Variants in JARID2 observed in about 807,000 individuals in gnomAD.
JARID2 encodes the protein jumonji and AT-rich interaction domain containing 2, also known as protein Jumonji.
JARID2 carries 21 observed loss-of-function variants against 125.6 expected under a neutral mutation model. That is an observed-to-expected ratio of 0.17 (90% CI 0.12 to 0.24). The LOEUF is 0.24. Ranked by LOEUF, JARID2 falls within the 10% of genes least tolerant of loss-of-function variation. The probability of loss-of-function intolerance (pLI) is 1.00; values close to 1 mark genes in which losing one functional copy is unlikely to be tolerated. For synonymous variants in JARID2, 736 were observed against 661.6 expected (o/e 1.11, Z -1.73); for missense variants, 1,303 against 1,639.6 (o/e 0.79, Z 3.55).
At chr6:15,398,277 G>A (rs1379184815) in intron 2 of JARID2, among the ~76,000 whole-genome samples, 1 of 152,200 alleles carries the variant, frequency 6.6e-6, no homozygotes, top group African/African-American at 2.4e-5. Flanking sequence ...TAAGATTTAT[G>A]ACTTGCTCTG....
rs138125913 is a variant in JARID2, at chr6:15,282,472, T to G, written c.45+35888T>G. Among the ~76,000 whole-genome samples, 559 of 152,320 alleles carry G rather than the reference T, an allele frequency of 3.7e-3. 1 individual carries two copies. The highest frequency in any genetic ancestry group is 0.017 in the Middle Eastern group (5 of 294). On this transcript the variant is annotated intron_variant, in intron 1 of 17. Coordinates refer to ENST00000341776, the MANE Select transcript of JARID2 (RefSeq NM_004973.4). Reference sequence around the variant, plus strand: ...CTGTCAGCTGTCCATATTTTTTTTCTTCATAACTTTTATCCACTATTATAT... The same window carrying G: ...CTGTCAGCTGTCCATATTTTTTTTCGTCATAACTTTTATCCACTATTATAT...
intron 3 of JARID2, among the ~76,000 whole-genome samples, chr6:15,419,275 T>G (rs1476880295): frequency 6.6e-6 from 1 of 152,234 alleles, no homozygotes; most frequent in African/African-American, 2.4e-5. Flanking sequence ...TAGTTTAATT[T>G]TCAACTTTAG....
intron 16 of JARID2, among the ~76,000 whole-genome samples, chr6:15,516,603 G>C (rs1561921157): frequency 6.6e-6 from 1 of 152,260 alleles, no homozygotes; most frequent in South Asian, 2.1e-4. Flanking sequence ...GGGGGAGTTT[G>C]CATGGGGTCG....
chr6:15,379,572 C>T (rs1486984352), intron 2 of JARID2, among the ~76,000 whole-genome samples: 1 of 152,184 alleles, frequency 6.6e-6, no homozygotes, highest in African/African-American at 2.4e-5. Flanking sequence ...CATCTTAGAT[C>T]AAGTCCTTTG....
intron 3 of JARID2, among the ~76,000 whole-genome samples, chr6:15,435,068 T>C (rs556079661): frequency 6.6e-5 from 10 of 152,348 alleles, no homozygotes; most frequent in African/African-American, 2.2e-4. Flanking sequence ...GTTAGTTTCC[T>C]GTTTTTCAAA....
At chr6:15,307,027 G>T (rs1761852839) in intron 1 of JARID2, among the ~76,000 whole-genome samples, 1 of 151,050 alleles carries the variant, frequency 6.6e-6, no homozygotes, top group African/African-American at 2.4e-5. Context: ...GGATCACAAG[G>T]TTAGGAGTTT....
intron 1 of JARID2, among the ~76,000 whole-genome samples, chr6:15,246,832 T>C (rs574996704): frequency 2.5e-4 from 38 of 152,308 alleles, no homozygotes; most frequent in African/African-American, 9.1e-4. Context: ...TAATCTACTT[T>C]TAGATGAAAG....
Position 15,347,935 on chromosome 6 carries a change from G to A in JARID2, c.46-26182G>A, listed in dbSNP as rs540015637. 8.1e-4 allele frequency among the ~76,000 whole-genome samples: 124 copies of A among 152,180 alleles called. 1 individual carries two copies. Among genetic ancestry groups the A allele is most frequent in the Non-Finnish European group, 1.5e-3 (103 of 68,008 alleles). Reference sequence around the variant, plus strand: ...CCCAGTTGATTTTAAAAATGTTTTTGTATTGATGCTGTCTTCCTATTTTGC... The same window carrying A: ...CCCAGTTGATTTTAAAAATGTTTTTATATTGATGCTGTCTTCCTATTTTGC... On this transcript the variant is annotated intron_variant, in intron 1 of 17. Coordinates refer to ENST00000341776, the MANE Select transcript of JARID2 (RefSeq NM_004973.4).
chr6:15,273,233 A>G (rs1760368283), intron 1 of JARID2, among the ~76,000 whole-genome samples: 1 of 152,134 alleles, frequency 6.6e-6, no homozygotes, highest in East Asian at 1.9e-4. Context: ...TTTGTGAGCT[A>G]TTGAATACAC....
intron 1 of JARID2, among the ~76,000 whole-genome samples, chr6:15,295,099 G>A (rs982017177): frequency 1.3e-5 from 2 of 150,590 alleles, no homozygotes; most frequent in Non-Finnish European, 3.0e-5. Context: ...GTGACCAGAT[G>A]TGTCATTTCT....
intron 17 of JARID2, among the ~76,000 whole-genome samples, chr6:15,517,868 C>T (rs1268945848): frequency 6.6e-6 from 1 of 151,560 alleles, no homozygotes; most frequent in East Asian, 1.9e-4. Context: ...GTGCTTCCCA[C>T]AGACTCTGAT....
At chr6:15,465,384 G>A (rs1768668020) in intron 4 of JARID2, among the ~76,000 whole-genome samples, 1 of 152,176 alleles carries the variant, frequency 6.6e-6, no homozygotes, top group Admixed American at 6.6e-5. Flanking sequence ...CCAGGAGGTC[G>A]AGGCTGTAGT....
intron 3 of JARID2, among the ~76,000 whole-genome samples, chr6:15,413,312 A>G (rs894553485): frequency 6.6e-6 from 1 of 152,078 alleles, no homozygotes; most frequent in Non-Finnish European, 1.5e-5. Flanking sequence ...TGTGCCCGGC[A>G]GGGAAGAGCT....
chr6:15,356,550 G>A (rs191473863), intron 1 of JARID2, among the ~76,000 whole-genome samples: 2 of 152,080 alleles, frequency 1.3e-5, no homozygotes, highest in African/African-American at 2.4e-5. Context: ...GTAAGGGAGA[G>A]CATTTTTTTT....
chr6:15,321,624 C>G (rs1025010635), intron 1 of JARID2, among the ~76,000 whole-genome samples: 3 of 152,070 alleles, frequency 2.0e-5, no homozygotes, highest in African/African-American at 7.2e-5. Context: ...TTCAGCTTCT[C>G]CTCGTATTTA....
intron 1 of JARID2, among the ~76,000 whole-genome samples, chr6:15,305,282 G>A (rs562849877): frequency 4.3e-4 from 65 of 152,082 alleles, no homozygotes; most frequent in African/African-American, 7.2e-4. Flanking sequence ...TTTATGTAGC[G>A]TAATGCAGGA....
intron 1 of JARID2, among the ~76,000 whole-genome samples, chr6:15,266,391 TC>T (rs1760084597): frequency 6.6e-6 from 1 of 152,212 alleles, no homozygotes; most frequent in South Asian, 2.1e-4. Flanking sequence ...TCTTTCTCTT[TC>T]TTACCTGCAC....
intron 1 of JARID2, among the ~76,000 whole-genome samples, chr6:15,265,518 G>C (rs974911510): frequency 6.6e-6 from 1 of 152,066 alleles, no homozygotes; most frequent in African/African-American, 2.4e-5. Flanking sequence ...TCCAGATTTG[G>C]CTCTGTGAGA....
intron 2 of JARID2, among the ~76,000 whole-genome samples, chr6:15,395,792 G>A (rs1765199144): frequency 6.6e-6 from 1 of 151,766 alleles, no homozygotes; most frequent in African/African-American, 2.4e-5. Flanking sequence ...AGCCTCCCGA[G>A]TAGCTGGGAC....
Sources: allele counts gnomAD v4.1 joint callset (sites outside exome capture counted in the v4.1 genomes callset), GRCh38; gene constraint gnomAD v4.1.1; transcripts MANE v1.5; gene names NCBI Gene and HGNC (gene_info 2026-07-23, HGNC 2026-07-21).